The following KATNIP variants were observed in gnomAD, a reference collection of about 807,000 sequenced individuals.
KATNIP encodes katanin interacting protein, also known as katanin-interacting protein.
Under a neutral mutation model 174.0 loss-of-function variants are expected in KATNIP, and 126 were observed. The ratio of observed to expected loss-of-function variants is 0.72; its 90% CI spans 0.63 to 0.84. The LOEUF (loss-of-function observed/expected upper bound fraction) is 0.84. Among genes scored for constraint, KATNIP ranks in the 40% least tolerant of loss-of-function variants. The probability of loss-of-function intolerance (pLI) is 0.00; values close to 1 mark genes in which losing one functional copy is unlikely to be tolerated. For synonymous variants in KATNIP, 810 were observed against 835.7 expected, an observed-to-expected ratio of 0.97 and a Z score of 0.53; for missense variants, 1,958 against 2,109.7, an observed-to-expected ratio of 0.93 and a Z score of 1.41.
chr16:27,724,666 C>T (rs2080375896), intron 14 of KATNIP, among the ~76,000 whole-genome samples: 1 of 152,100 alleles, frequency 6.6e-6, no homozygotes, highest in African/African-American at 2.4e-5. Flanking sequence ...CAATCTGTTG[C>T]CAGAATTTAC....
At chr16:27,567,143 C>G (rs1357376481) in intron 1 of KATNIP, among the ~76,000 whole-genome samples, 1 of 152,226 alleles carries the variant, frequency 6.6e-6, no homozygotes, top group East Asian at 1.9e-4. Context: ...ATTTGGGGTC[C>G]TGAGGTTCAC....
chr16:27,573,836 T>C lies in KATNIP; in HGVS notation c.8-65T>C, dbSNP rs1429634492. ...TATTCAGTTTGCAAATAAAAATCTTTTGTGTTGATAAACTAGCTGTTCTAA... is the reference window on the plus strand; with the variant it reads ...TATTCAGTTTGCAAATAAAAATCTTCTGTGTTGATAAACTAGCTGTTCTAA... On this transcript the variant is annotated intron_variant, in intron 1 of 27. Coordinates refer to ENST00000261588, the MANE Select transcript of KATNIP (RefSeq NM_015202.5). 3 of 1,479,526 alleles carry C rather than the reference T, an allele frequency of 2.0e-6. No homozygotes were observed. In the Admixed American group the frequency reaches 5.0e-5, roughly 25 times the overall value. 91.6% of individuals were successfully genotyped at this position (1,479,526 alleles called of 1,614,324 possible).
At chr16:27,659,046 C>T (rs1362350648) in intron 6 of KATNIP, among the ~76,000 whole-genome samples, 5 of 151,910 alleles carry the variant, frequency 3.3e-5, no homozygotes, top group Non-Finnish European at 1.5e-5. Context: ...GGATTACAGG[C>T]GTGAGCCACC....
chr16:27,640,017 CT>C (rs1309714854), intron 5 of KATNIP, among the ~76,000 whole-genome samples: 1 of 152,200 alleles, frequency 6.6e-6, no homozygotes, highest in Non-Finnish European at 1.5e-5. Context: ...CAGCCTTGCT[CT>C]TTTTTTCTAC....
chr16:27,726,139 C>T (rs191816110), intron 14 of KATNIP, among the ~76,000 whole-genome samples: 1 of 152,276 alleles, frequency 6.6e-6, no homozygotes, highest in East Asian at 1.9e-4. Context: ...GGCATGGGAA[C>T]CCTACTGGGA....
At chr16:27,596,041 G>A (rs2075324951) in intron 2 of KATNIP, among the ~76,000 whole-genome samples, 1 of 150,576 alleles carries the variant, frequency 6.6e-6, no homozygotes, top group African/African-American at 2.4e-5. Context: ...TAGGGTCTGG[G>A]CTTTTACTCT....
At chr16:27,560,945 G>A (rs1180300295) in intron 1 of KATNIP, among the ~76,000 whole-genome samples, 1 of 152,114 alleles carries the variant, frequency 6.6e-6, no homozygotes, top group Non-Finnish European at 1.5e-5. Context: ...GTAGACAAAG[G>A]AAAGGGCCTT....
chr16:27,599,908 G>A (rs1037922238), intron 2 of KATNIP, among the ~76,000 whole-genome samples: 3 of 152,176 alleles, frequency 2.0e-5, no homozygotes, highest in African/African-American at 7.2e-5. Context: ...TGCTGCCTTA[G>A]CACGCCTCCA....
Position 27,677,916 on chromosome 16 carries a change from A to C in KATNIP, c.728A>C (p.His243Pro). Reference protein sequence around the residue: ...SSGDWTQKDVHGEQETEGRSS... With the variant: ...SSGDWTQKDVPGEQETEGRSS... The stretch of plus-strand genomic sequence containing the variant: ...GGCGACTGGACTCAGAAAGATGTTC[A>C]CGGGGAACAGGAGACAGAAGGACGC... The change falls in exon 7 of 28, where the codon CAC becomes CCC. Residue 243 changes from histidine to proline, a missense_variant. Physicochemically the swap from His to Pro is moderately conservative, Grantham distance 77 (BLOSUM62 -2). Around this residue, in one of 3 missense-constraint regions of KATNIP, gnomAD observed 1,557 missense variants for 1,617.8 expected, o/e 0.96. Transcript: ENST00000261588. The C allele has an allele frequency of 6.2e-7, 1 of 1,614,190 alleles. No individual in the cohort carries two copies. The highest frequency in any genetic ancestry group is 8.5e-7 in the Non-Finnish European group (1 of 1,180,030).
intron 3 of KATNIP, among the ~76,000 whole-genome samples, chr16:27,621,400 T>C (rs2076191362): frequency 1.3e-5 from 2 of 152,136 alleles, no homozygotes; most frequent in Non-Finnish European, 2.9e-5. Flanking sequence ...CGTTTTCCCA[T>C]ATTAGAGCCA....
chr16:27,620,922 TTAG>T (rs1327288324), intron 3 of KATNIP, among the ~76,000 whole-genome samples: 1 of 152,194 alleles, frequency 6.6e-6, no homozygotes. Flanking sequence ...ACAGACTGTA[TTAG>T]TATGTTTTGG....
chr16:27,727,628 A>C (rs930652449), intron 14 of KATNIP: 2 of 152,224 alleles, frequency 1.3e-5, no homozygotes, highest in Non-Finnish European at 2.9e-5. Flanking sequence ...CTTGGGGTGC[A>C]CTTTAGGTGG....
intron 14 of KATNIP, among the ~76,000 whole-genome samples, chr16:27,739,476 A>G (rs1408682853): frequency 6.6e-6 from 1 of 152,186 alleles, no homozygotes; most frequent in African/African-American, 2.4e-5. Context: ...ATCACCTGCC[A>G]AATACTCGAC....
chr16:27,575,314 C>T (rs2090458783), intron 2 of KATNIP, among the ~76,000 whole-genome samples: 2 of 152,152 alleles, frequency 1.3e-5, no homozygotes, highest in African/African-American at 4.8e-5. Flanking sequence ...AGGAAGGTTG[C>T]AAGATCATGG....
At chr16:27,692,195 A>G (rs1209609065) in intron 8 of KATNIP, among the ~76,000 whole-genome samples, 4 of 152,200 alleles carry the variant, frequency 2.6e-5, no homozygotes, top group African/African-American at 7.2e-5. Flanking sequence ...TTTGCACCCC[A>G]CGTGTCAGGT....
intron 23 of KATNIP, among the ~76,000 whole-genome samples, chr16:27,773,917 A>G (rs1252551560): frequency 6.6e-6 from 1 of 152,078 alleles, no homozygotes; most frequent in Non-Finnish European, 1.5e-5. Flanking sequence ...CTGCCCTCAC[A>G]ACAATCTTGT....
intron 20 of KATNIP, among the ~76,000 whole-genome samples, chr16:27,769,149 A>C (rs997284963): frequency 1.3e-5 from 2 of 152,236 alleles, no homozygotes; most frequent in Non-Finnish European, 1.5e-5. Flanking sequence ...GCAAGCTCTT[A>C]GAAAGCATCT....
chr16:27,770,164 G>A, intron 21 of KATNIP, 146 bp downstream of exon 21: 1 of 1,005,688 alleles, frequency 9.9e-7, no homozygotes, highest in South Asian at 1.6e-5. Flanking sequence ...CTAAAGCTCA[G>A]CCAAGCCTCA....
Position 27,776,256 on chromosome 16 carries a change from G to A in KATNIP, c.4450-672G>A, listed in dbSNP as rs1248554241. Reference sequence around the variant, plus strand: ...GGACCAGGGCCTGGGGCAGGACTGAGCCTGCAGTCTGTGGCCAGTGTGGAA... The same window carrying A: ...GGACCAGGGCCTGGGGCAGGACTGAACCTGCAGTCTGTGGCCAGTGTGGAA... On this transcript the variant is annotated intron_variant, in intron 24 of 27. Coordinates refer to ENST00000261588, the MANE Select transcript of KATNIP (RefSeq NM_015202.5). The surrounding 1 kb of genome is among the most constrained non-coding windows in gnomAD (Gnocchi z 4.7). 2.0e-5 allele frequency among the ~76,000 whole-genome samples: 3 copies of A among 152,174 alleles called. No individual in the cohort carries two copies. The highest frequency in any genetic ancestry group is 2.1e-4 in the South Asian group (1 of 4,824).
Sources: allele counts gnomAD v4.1 joint callset (sites outside exome capture counted in the v4.1 genomes callset), GRCh38; gene constraint gnomAD v4.1.1; regional missense constraint gnomAD v4.1.1; non-coding constraint Gnocchi (gnomAD v3.1); transcripts MANE v1.5; gene names NCBI Gene and HGNC (gene_info 2026-07-23, HGNC 2026-07-21).